Variants in DUSP16 observed in about 807,000 individuals in gnomAD.
DUSP16 encodes the protein dual specificity phosphatase 16, also known as dual specificity protein phosphatase 16.
In DUSP16, 21 loss-of-function variants were observed where a neutral mutation model predicts 58.3. That is an observed-to-expected ratio of 0.36 (90% CI 0.26 to 0.52). DUSP16 has a LOEUF of 0.52. Ranked by LOEUF, DUSP16 falls within the 20% of genes least tolerant of loss-of-function variation. The probability of loss-of-function intolerance (pLI) is 0.94; values close to 1 mark genes in which losing one functional copy is unlikely to be tolerated. For missense variants in DUSP16, 726 were observed against 819.0 expected (o/e 0.89, Z 1.39); for synonymous variants, 320 against 323.8 (o/e 0.99, Z 0.12).
intron 1 of DUSP16, 56 bp downstream of exon 1, chr12:12,562,061 C>A (rs1440313731): frequency 2.0e-5 from 3 of 149,870 alleles, no homozygotes; most frequent in Non-Finnish European, 4.5e-5. Flanking sequence ...GGAGGGCGCC[C>A]CGGGCCCCGC....
intron 1 of DUSP16, among the ~76,000 whole-genome samples, chr12:12,540,518 T>C (rs915020699): frequency 1.3e-5 from 2 of 152,214 alleles, no homozygotes; most frequent in Admixed American, 6.5e-5. Flanking sequence ...TGAACATCTA[T>C]ACTGTGCAAG....
At chr12:12,480,400 A>C in intron 5 of DUSP16, 54 bp from the exon 6 acceptor site, 2 of 1,585,096 alleles carry the variant, frequency 1.3e-6, no homozygotes, top group Non-Finnish European at 1.7e-6. Context: ...TTCAGCAGTG[A>C]AATCTTGTTT....
At chr12:12,500,990 T>G (rs1238451074) in intron 3 of DUSP16, among the ~76,000 whole-genome samples, 7 of 152,214 alleles carry the variant, frequency 4.6e-5, no homozygotes, top group South Asian at 2.1e-4. Context: ...CAAATGTTTT[T>G]TTTTGTAAAA....
At chr12:12,494,396 T>G (rs1443391818) in intron 4 of DUSP16, among the ~76,000 whole-genome samples, 1 of 152,158 alleles carries the variant, frequency 6.6e-6, no homozygotes, top group African/African-American at 2.4e-5. Context: ...ATCAAGGTAT[T>G]CTGGGGCATA....
chr12:12,504,819 G>A (rs1268316378), intron 3 of DUSP16, among the ~76,000 whole-genome samples: 1 of 151,994 alleles, frequency 6.6e-6, no homozygotes, highest in Non-Finnish European at 1.5e-5. Flanking sequence ...TGATGATGCA[G>A]TGAGCTGTGA....
chr12:12,540,949 C>CTTTTTTTT (rs1191975095), intron 1 of DUSP16, among the ~76,000 whole-genome samples: 8 of 43,806 alleles, frequency 1.8e-4, no homozygotes, highest in African/African-American at 4.4e-4. Flanking sequence ...CTTTTCTTTT[C>CTTTTTTTT]TTTTTTTTTT....
At chr12:12,500,967 C>T (rs1943900391) in intron 3 of DUSP16, among the ~76,000 whole-genome samples, 1 of 152,110 alleles carries the variant, frequency 6.6e-6, no homozygotes, top group Non-Finnish European at 1.5e-5. Flanking sequence ...ACATTTGCTC[C>T]CCACTCCCCA....
intron 1 of DUSP16, among the ~76,000 whole-genome samples, chr12:12,552,675 A>G (rs1188550901): frequency 2.6e-5 from 4 of 152,212 alleles, no homozygotes; most frequent in African/African-American, 9.6e-5. Flanking sequence ...AATATACTAA[A>G]GAGAATGGCA....
intron 1 of DUSP16, among the ~76,000 whole-genome samples, chr12:12,542,306 G>A (rs1412424478): frequency 6.6e-6 from 1 of 151,044 alleles, no homozygotes; most frequent in East Asian, 1.9e-4. Flanking sequence ...CTGGGAGGTG[G>A]AGGTTGTGGT....
chr12:12,486,472 C>T (rs1449336720), intron 5 of DUSP16, among the ~76,000 whole-genome samples: 1 of 136,296 alleles, frequency 7.3e-6, no homozygotes, highest in Non-Finnish European at 1.6e-5. Context: ...AGGAAAATAA[C>T]CAAATGAGAG....
At chr12:12,558,541 T>C (rs1255630137) in intron 1 of DUSP16, among the ~76,000 whole-genome samples, 1 of 152,112 alleles carries the variant, frequency 6.6e-6, no homozygotes, top group African/African-American at 2.4e-5. Context: ...ACTACTACCA[T>C]ACCTAGCTAA....
At chr12:12,553,759 G>T (rs975849967) in intron 1 of DUSP16, among the ~76,000 whole-genome samples, 10 of 152,048 alleles carry the variant, frequency 6.6e-5, no homozygotes, top group Non-Finnish European at 1.5e-5. Context: ...GCCCAGGCTG[G>T]TCTACTCCTG....
chr12:12,558,800 G>A (rs1367721326), intron 1 of DUSP16, among the ~76,000 whole-genome samples: 1 of 152,096 alleles, frequency 6.6e-6, no homozygotes, highest in Non-Finnish European at 1.5e-5. Flanking sequence ...TGAGGTATCA[G>A]AGGGCATTTT....
chr12:12,519,782 T>C (rs1944202683), intron 3 of DUSP16, 80 bp downstream of exon 3: 3 of 1,437,570 alleles, frequency 2.1e-6, no homozygotes, highest in Admixed American at 1.8e-5. Context: ...TGATCTATTG[T>C]ACTGAGTTCA....
intron 5 of DUSP16, among the ~76,000 whole-genome samples, chr12:12,485,888 G>A (rs1189369700): frequency 6.7e-6 from 1 of 148,598 alleles, no homozygotes; most frequent in African/African-American, 2.5e-5. Context: ...CTGCCTCCCG[G>A]GTTCATGCCA....
chr12:12,483,466 C>G (rs933576), intron 5 of DUSP16, among the ~76,000 whole-genome samples: 2,892 of 151,660 alleles, frequency 0.019, 52 homozygotes, highest in Non-Finnish European at 0.027. Flanking sequence ...GGTATATTAC[C>G]TTCAGTTTCC....
intron 1 of DUSP16, among the ~76,000 whole-genome samples, chr12:12,523,688 C>G (rs1445273200): frequency 1.3e-5 from 2 of 152,218 alleles, no homozygotes; most frequent in Non-Finnish European, 1.5e-5. Context: ...CACTAATAAA[C>G]TTCTGCAAAG....
At chr12:12,506,119 AGTTTC>A (rs2136218454) in intron 3 of DUSP16, 2 of 152,280 alleles carry the variant, frequency 1.3e-5, no homozygotes, top group East Asian at 3.9e-4. Context: ...TAGTGACTCC[AGTTTC>A]GTTTCATTAA....
chr12:12,533,298 C>T (rs999566246), intron 1 of DUSP16, among the ~76,000 whole-genome samples: 7 of 152,186 alleles, frequency 4.6e-5, no homozygotes, highest in South Asian at 2.1e-4. Context: ...ACAAATGCAA[C>T]GCAAGATGAC....
Sources: gnomAD v4.1 joint callset for allele counts (sites outside exome capture counted in the v4.1 genomes callset) on GRCh38, gnomAD v4.1.1 for gene constraint, MANE v1.5 for transcripts, NCBI Gene and HGNC (gene_info 2026-07-23, HGNC 2026-07-21) for gene names.